The following OR5A1 variants were observed in gnomAD, a reference collection of about 807,000 sequenced individuals.
OR5A1 encodes olfactory receptor 5A1.
Under a neutral mutation model 6.7 loss-of-function variants are expected in OR5A1, and 6 were observed. That is an observed-to-expected ratio of 0.89 (90% CI 0.49 to 1.76). The LOEUF (loss-of-function observed/expected upper bound fraction) is 1.76. Ranked by LOEUF, OR5A1 falls within the 40% of genes most tolerant of loss-of-function variation. The pLI is 0.01. For missense variants in OR5A1, 378 were observed against 381.7 expected (o/e 0.99, Z 0.08); for synonymous variants, 170 against 155.0 (o/e 1.10, Z -0.72).
chr11:59,442,411 T>C (rs1432594076), intron 1 of OR5A1, among the ~76,000 whole-genome samples: 1 of 151,866 alleles, frequency 6.6e-6, no homozygotes, highest in East Asian at 1.9e-4. Context: ...CATTGCACTC[T>C]AGCCTGGGCA....
intron 1 of OR5A1, among the ~76,000 whole-genome samples, chr11:59,441,809 C>T (rs1858482399): frequency 6.6e-6 from 1 of 152,050 alleles, no homozygotes; most frequent in South Asian, 2.1e-4. Flanking sequence ...ATAACAACAG[C>T]AACAACAACA....
chr11:59,443,309 C>T lies in OR5A1; in HGVS notation c.141C>T (p.Ala47=). ...TTACCACCCTGGCCTGGAACCTGGC[C>T]CTCATTTTTCTGATCAGAGGTGACA... ...IYLTTLAWNL[A]LIFLIRGDTH... Residue 47 remains alanine, a synonymous_variant, in exon 2 of 2, where the codon GCC becomes GCT. Coordinates refer to ENST00000641045, the MANE Select transcript of OR5A1 (RefSeq NM_001004728.2). 6.2e-7 allele frequency: 1 copy of T among 1,613,832 alleles called. No homozygotes were observed. The highest frequency in any genetic ancestry group is 1.1e-5 in the South Asian group (1 of 91,074).
At position 59,443,720 on chromosome 11, in the gene OR5A1, C is replaced by G; in HGVS notation, c.552C>G (p.Leu184=). Reference sequence around the variant, plus strand: ...TCATCAACCACTTCTTCTGCGACCTCCCACCAGTCCTGGCTCTGTCTTGCT... The same window carrying G: ...TCATCAACCACTTCTTCTGCGACCTGCCACCAGTCCTGGCTCTGTCTTGCT... ...PNIINHFFCD[L]PPVLALSCSD... Residue 184 remains leucine, a synonymous_variant, in exon 2 of 2, where the codon CTC becomes CTG. Transcript: ENST00000641045. 2 of 1,614,076 alleles carry G rather than the reference C, an allele frequency of 1.2e-6. No individual in the cohort carries two copies. The highest frequency in any genetic ancestry group is 8.5e-7 in the Non-Finnish European group (1 of 1,179,974).
intron 1 of OR5A1, among the ~76,000 whole-genome samples, chr11:59,441,904 A>T (rs1483202649): frequency 6.6e-6 from 1 of 152,006 alleles, no homozygotes; most frequent in African/African-American, 2.4e-5. Context: ...TGGTAGATAG[A>T]TGATAGACAG....
At chr11:59,443,022 A>G in intron 1 of OR5A1, 114 bp from the exon 2 acceptor site, 1 of 615,660 alleles carries the variant, frequency 1.6e-6, no homozygotes, top group Non-Finnish European at 2.9e-6. Flanking sequence ...ACTGAGAAAG[A>G]GAAAGAGAGT....
At chr11:59,439,382 G>A (rs866812329) in intron 1 of OR5A1, among the ~76,000 whole-genome samples, 1 of 152,180 alleles carries the variant, frequency 6.6e-6, no homozygotes, top group Non-Finnish European at 1.5e-5. Context: ...GAGCCTCTCA[G>A]ACTCTTCCTC....
rs534774556 is a variant in OR5A1 at position 59,450,013 on chromosome 11, G to A, written c.*5897G>A. On this transcript the variant is annotated 3_prime_UTR_variant, in exon 2 of 2. Transcript: ENST00000641045. The stretch of plus-strand genomic sequence containing the variant: ...AGTAAAAAGTGCTAGATTATCACAA[G>A]CAAGCCTCACTATGCAAAGTAAGGT... 11 of 152,306 alleles carry A rather than the reference G, an allele frequency of 7.2e-5. No homozygotes were observed. The South Asian group carries it at 1.2e-3, about 17-fold the overall frequency. 9.4% of individuals were successfully genotyped at this position (152,306 alleles called of 1,614,324 possible).
In OR5A1 at chr11:59,445,910, T is replaced by C. The variant is rs1349649611; in HGVS notation, c.*1794T>C. 1 of 152,144 alleles carries C rather than the reference T, an allele frequency of 6.6e-6. No homozygotes were observed. Among genetic ancestry groups the C allele is most frequent in the African/African-American group, 2.4e-5 (1 of 41,446 alleles). The allele number at this position is 152,144 out of a possible 1,614,324, so 9.4% of individuals were successfully genotyped here. On this transcript the variant is annotated 3_prime_UTR_variant, in exon 2 of 2. Transcript: ENST00000641045. The stretch of plus-strand genomic sequence containing the variant: ...AAGTTACCTTTGTCAGATAGATAGA[T>C]TGCAAAAATTTTCTCCCATTCTGTA...
rs551931344 is a variant in OR5A1, at chr11:59,445,350, T to C, written c.*1234T>C. The C allele has an allele frequency of 7.2e-5, 11 of 152,328 alleles. No individual in the cohort carries two copies. The highest frequency in any genetic ancestry group is 3.4e-3 in the Middle Eastern group (1 of 294). The allele number at this position is 152,328 out of a possible 1,614,324, so 9.4% of individuals were successfully genotyped here. A position where few individuals can be genotyped will look rare whatever the true frequency, so the allele number is the denominator to read the frequency against. On this transcript the variant is annotated 3_prime_UTR_variant, in exon 2 of 2. Coordinates refer to ENST00000641045, the MANE Select transcript of OR5A1 (RefSeq NM_001004728.2). ...GCAAAGAACACTAATTCCTTCCTTTTATGGCTGCATAGTATTCCATGGTAT... is the reference window on the plus strand; with the variant it reads ...GCAAAGAACACTAATTCCTTCCTTTCATGGCTGCATAGTATTCCATGGTAT...
rs778209396 is a variant in OR5A1 at position 59,443,564 on chromosome 11, C to T, written c.396C>T (p.Pro132=). The part of the protein sequence containing the change: ...AYDRYAAISS[P]LLYPTIMTQG... ...ACCGATATGCAGCCATCTCCAGCCC[C>T]CTTCTCTACCCCACTATCATGACCC... The change falls in exon 2 of 2, where the codon CCC becomes CCT. Residue 132 remains proline (P), a synonymous_variant. Transcript: ENST00000641045. 1.9e-5 allele frequency: 31 copies of T among 1,614,094 alleles called. No homozygotes were observed. Among genetic ancestry groups the T allele is most frequent in the Non-Finnish European group, 2.5e-5 (30 of 1,180,022 alleles).
Position 59,443,387 on chromosome 11 carries a change from C to G in OR5A1, c.219C>G (p.Asp73Glu). The stretch of plus-strand genomic sequence containing the variant: ...TCCTAAGCAACTTATCTTTCATTGA[C>G]ATCTGCTACTCTTCTGCTGTGGCTC... ...YFFLSNLSFI[D>E]ICYSSAVAPN... The change falls in exon 2 of 2, where the codon GAC (aspartate) becomes GAG (glutamate). Residue 73 changes from aspartate (D) to glutamate (E), a missense_variant. Transcript: ENST00000641045. 1 of 1,613,816 alleles carries G rather than the reference C, an allele frequency of 6.2e-7. No homozygotes were observed.
chr11:59,447,574 G>A lies in OR5A1; in HGVS notation c.*3458G>A, dbSNP rs1298568845. On this transcript the variant is annotated 3_prime_UTR_variant, in exon 2 of 2. Coordinates refer to ENST00000641045, the MANE Select transcript of OR5A1 (RefSeq NM_001004728.2). Reference sequence around the variant, plus strand: ...ACAAGGGAAATTCAAGAAAGAATATGAGAAGGAGAGATTGTCTGATCCTCA... The same window carrying A: ...ACAAGGGAAATTCAAGAAAGAATATAAGAAGGAGAGATTGTCTGATCCTCA... The A allele has an allele frequency of 6.6e-6, 1 of 152,232 alleles. No individual in the cohort carries two copies. The highest frequency in any genetic ancestry group is 1.5e-5 in the Non-Finnish European group (1 of 68,040). The allele number at this position is 152,232 out of a possible 1,614,324, so 9.4% of individuals were successfully genotyped here. A position where few individuals can be genotyped will look rare whatever the true frequency, so the allele number is the denominator to read the frequency against.
In OR5A1 at chr11:59,443,180, C is replaced by G; in HGVS notation, c.12C>G (p.Thr4=). The G allele has an allele frequency of 6.2e-7, 1 of 1,613,410 alleles. No homozygotes were observed. The highest frequency in any genetic ancestry group is 8.5e-7 in the Non-Finnish European group (1 of 1,179,570). Residue 4 remains threonine, a synonymous_variant, in exon 2 of 2, where the codon ACC becomes ACG. Transcript: ENST00000641045. ...GGTCCACGGGAAGCATGTCCATAAC[C>G]AAAGCCTGGAACAGCTCATCAGTGA... MSI[T]KAWNSSSVTM...
Position 59,444,225 on chromosome 11 carries a change from G to C in OR5A1, c.*109G>C. The C allele has an allele frequency of 1.5e-6, 1 of 686,028 alleles. No homozygotes were observed. Among genetic ancestry groups the C allele is most frequent in the Non-Finnish European group, 2.4e-6 (1 of 410,324 alleles). 42.5% of individuals were successfully genotyped at this position (686,028 alleles called of 1,614,324 possible). On this transcript the variant is annotated 3_prime_UTR_variant, in exon 2 of 2. Transcript: ENST00000641045. ...GAGATATTTGGTGCTCTCATTTGTG[G>C]AGACTCTTCCCTCCAGATTCCTCTC... is the stretch of plus-strand genomic sequence containing the variant.
intron 1 of OR5A1, among the ~76,000 whole-genome samples, chr11:59,437,259 G>A (rs1858427116): frequency 6.6e-6 from 1 of 152,124 alleles, no homozygotes; most frequent in South Asian, 2.1e-4. Context: ...AATGTATGAT[G>A]ACATGTATCC....
chr11:59,447,447 A>G lies in OR5A1; in HGVS notation c.*3331A>G, dbSNP rs890018232. On this transcript the variant is annotated 3_prime_UTR_variant, in exon 2 of 2. Coordinates refer to ENST00000641045, the MANE Select transcript of OR5A1 (RefSeq NM_001004728.2). ...AAACTGCAACAATTAGGCCAGTAAA[A>G]TTTTAGGAATGAAAAGTTGACACTA... 1 of 152,186 alleles carries G rather than the reference A, an allele frequency of 6.6e-6. No individual in the cohort carries two copies. Among genetic ancestry groups the G allele is most frequent in the Non-Finnish European group, 1.5e-5 (1 of 68,038 alleles). The allele number at this position is 152,186 out of a possible 1,614,324, so 9.4% of individuals were successfully genotyped here.
At chr11:59,439,954 A>C (rs1469872633) in intron 1 of OR5A1, among the ~76,000 whole-genome samples, 1 of 152,246 alleles carries the variant, frequency 6.6e-6, no homozygotes, top group Non-Finnish European at 1.5e-5. Context: ...GTTGCTGCTG[A>C]TAACAATCAC....
chr11:59,438,236 T>C (rs1858444027), intron 1 of OR5A1, among the ~76,000 whole-genome samples: 1 of 152,202 alleles, frequency 6.6e-6, no homozygotes, highest in African/African-American at 2.4e-5. Context: ...AACGGCCTAA[T>C]ACACTATTCT....
chr11:59,441,342 G>C (rs1858478696), intron 1 of OR5A1, among the ~76,000 whole-genome samples: 1 of 151,974 alleles, frequency 6.6e-6, no homozygotes, highest in Non-Finnish European at 1.5e-5. Flanking sequence ...ATAATGTTCA[G>C]TTTCCTTTTT....
Sources: gnomAD v4.1 joint callset for allele counts (sites outside exome capture counted in the v4.1 genomes callset) on GRCh38, gnomAD v4.1.1 for gene constraint, MANE v1.5 for transcripts, NCBI Gene and HGNC (gene_info 2026-07-23, HGNC 2026-07-21) for gene names.